The following CSGALNACT1 variants were observed in gnomAD, a reference collection of about 807,000 sequenced individuals.
The protein encoded by CSGALNACT1 is chondroitin sulfate N-acetylgalactosaminyltransferase 1.
A neutral mutation model predicts 51.0 loss-of-function variants in CSGALNACT1; 52 were observed. The observed-to-expected ratio is 1.02, with a 90% CI of 0.82 to 1.29. CSGALNACT1 has a LOEUF of 1.29. CSGALNACT1 is among the 50% of genes most tolerant of loss of function. CSGALNACT1 has a pLI of 0.00. For missense variants in CSGALNACT1, 935 were observed against 679.2 expected (o/e 1.38, Z -4.19); for synonymous variants, 341 against 254.4 (o/e 1.34, Z -3.24).
chr8:19,450,248 G>C (rs904382446), intron 5 of CSGALNACT1, among the ~76,000 whole-genome samples: 2 of 103,488 alleles, frequency 1.9e-5, no homozygotes, highest in Middle Eastern at 4.7e-3. Context: ...GGGAGGAAGA[G>C]GGGGAGGAAC....
At chr8:19,560,684 C>A (rs991456045) in intron 3 of CSGALNACT1, among the ~76,000 whole-genome samples, 1 of 152,160 alleles carries the variant, frequency 6.6e-6, no homozygotes, top group African/African-American at 2.4e-5. Context: ...GAATACACAC[C>A]TTCATTCTGC....
chr8:19,440,076 T>C lies in CSGALNACT1; in HGVS notation c.852-145A>G, dbSNP rs1048532783. 41 of 707,286 alleles carry C rather than the reference T, an allele frequency of 5.8e-5. No homozygotes were observed. In the African/African-American group the frequency reaches 6.8e-4, roughly 12 times the overall value. The allele number at this position is 707,286 out of a possible 1,614,324, so 43.8% of individuals were successfully genotyped here. On this transcript the variant is annotated intron_variant, in intron 5 of 9. Coordinates refer to ENST00000454498, the Ensembl canonical transcript of CSGALNACT1. Reference sequence around the variant, plus strand: ...AGAGCCGAGATGGGAATCCAGAACCTTTCTGGTTGGCCATTCCAACTATCT... The same window carrying C: ...AGAGCCGAGATGGGAATCCAGAACCCTTCTGGTTGGCCATTCCAACTATCT...
chr8:19,662,491 G>T (rs1333740455), intron 1 of CSGALNACT1, among the ~76,000 whole-genome samples: 1 of 152,216 alleles, frequency 6.6e-6, no homozygotes. Context: ...CTGTTAGGCT[G>T]ATGTTTGGGT....
intron 4 of CSGALNACT1, among the ~76,000 whole-genome samples, chr8:19,498,229 T>TCTCCTC (rs1255202250): frequency 2.0e-5 from 3 of 152,128 alleles, no homozygotes; most frequent in Non-Finnish European, 4.4e-5. Context: ...GACCTGGCTT[T>TCTCCTC]CTCCTCCTTT....
At chr8:19,653,529 C>T (rs966020632) in intron 1 of CSGALNACT1, among the ~76,000 whole-genome samples, 2 of 152,182 alleles carry the variant, frequency 1.3e-5, no homozygotes, top group Non-Finnish European at 2.9e-5. Flanking sequence ...TGCAGTGGCT[C>T]ATGCCTGTAA....
At chr8:19,550,109 C>T (rs2087597949) in intron 3 of CSGALNACT1, among the ~76,000 whole-genome samples, 1 of 151,996 alleles carries the variant, frequency 6.6e-6, no homozygotes, top group African/African-American at 2.4e-5. Flanking sequence ...GTGTAGTTGT[C>T]TCTTCTGCAT....
chr8:19,434,378 T>C (rs1051630072), intron 6 of CSGALNACT1, among the ~76,000 whole-genome samples: 3 of 152,186 alleles, frequency 2.0e-5, no homozygotes, highest in Admixed American at 6.5e-5. Flanking sequence ...CTTGGCTAGA[T>C]TCACTAAGTG....
At chr8:19,489,811 C>G (rs1385621204) in intron 4 of CSGALNACT1, among the ~76,000 whole-genome samples, 2 of 152,198 alleles carry the variant, frequency 1.3e-5, no homozygotes, top group African/African-American at 2.4e-5. Flanking sequence ...CCAAAAATCT[C>G]TCCTTCAACT....
At chr8:19,695,438 C>T (rs777614870) in intron 1 of CSGALNACT1, among the ~76,000 whole-genome samples, 2 of 152,174 alleles carry the variant, frequency 1.3e-5, no homozygotes, top group Non-Finnish European at 2.9e-5. Flanking sequence ...ACTTCACAAT[C>T]TCTCTCCTGG....
chr8:19,405,751 A>G (rs1235475954), exon 10 of CSGALNACT1: 1 of 1,613,802 alleles, frequency 6.2e-7, no homozygotes. Context: ...GGAAAGAAAA[A>G]GTGTCTCCCA....
chr8:19,706,786 G>C (rs2062194381), intron 1 of CSGALNACT1, among the ~76,000 whole-genome samples: 1 of 152,002 alleles, frequency 6.6e-6, no homozygotes, highest in African/African-American at 2.4e-5. Context: ...ACCATGCCTG[G>C]CTACATTTTT....
intron 3 of CSGALNACT1, among the ~76,000 whole-genome samples, chr8:19,580,501 C>T (rs2045329431): frequency 6.6e-6 from 1 of 152,164 alleles, no homozygotes; most frequent in Non-Finnish European, 1.5e-5. Flanking sequence ...AACTTCACTC[C>T]AATTATCATA....
chr8:19,550,001 G>C (rs561096476), intron 3 of CSGALNACT1, among the ~76,000 whole-genome samples: 1 of 152,198 alleles, frequency 6.6e-6, no homozygotes, highest in East Asian at 1.9e-4. Context: ...CAATAGATGT[G>C]TCCTGGAGTT....
intron 3 of CSGALNACT1, among the ~76,000 whole-genome samples, chr8:19,557,751 C>T (rs982244770): frequency 1.3e-5 from 2 of 152,164 alleles, no homozygotes; most frequent in Non-Finnish European, 1.5e-5. Context: ...GCCACTTCTT[C>T]ATACCTATCA....
chr8:19,735,816 G>A (rs2063936908), intron 1 of CSGALNACT1, among the ~76,000 whole-genome samples: 1 of 152,106 alleles, frequency 6.6e-6, no homozygotes. Flanking sequence ...TTGACAGGTA[G>A]AATAATATGT....
At chr8:19,447,088 T>C (rs951765309) in intron 5 of CSGALNACT1, among the ~76,000 whole-genome samples, 1 of 152,188 alleles carries the variant, frequency 6.6e-6, no homozygotes, top group African/African-American at 2.4e-5. Context: ...GCCTGCCCTG[T>C]GGAGGGCCGT....
intron 1 of CSGALNACT1, among the ~76,000 whole-genome samples, chr8:19,611,830 GA>G (rs1021354306): frequency 1.4e-4 from 21 of 151,640 alleles, no homozygotes; most frequent in African/African-American, 4.8e-4. Context: ...ATTATGGGAG[GA>G]AAAAAAATAT....
At chr8:19,596,934 ACCAAACTCCACATCTTTTTCATCT>A (rs1310028163) in intron 2 of CSGALNACT1, among the ~76,000 whole-genome samples, 1 of 152,214 alleles carries the variant, frequency 6.6e-6, no homozygotes, top group African/African-American at 2.4e-5. Flanking sequence ...CTGTTATGCA[ACCAAACTCCACATCTTTTTCATCT>A]TGCATAACTG....
At chr8:19,714,961 T>A (rs2062719677) in intron 1 of CSGALNACT1, among the ~76,000 whole-genome samples, 1 of 152,178 alleles carries the variant, frequency 6.6e-6, no homozygotes, top group Non-Finnish European at 1.5e-5. Flanking sequence ...GCTGTTCTTT[T>A]CTTTGTATTC....
Sources: allele counts gnomAD v4.1 joint callset (sites outside exome capture counted in the v4.1 genomes callset), GRCh38; gene constraint gnomAD v4.1.1; transcripts MANE v1.5; gene names NCBI Gene and HGNC (gene_info 2026-07-23, HGNC 2026-07-21).